Variants in NREP observed in about 807,000 individuals in gnomAD.
The protein encoded by NREP is neuronal regeneration-related protein.
In NREP, 5 loss-of-function variants were observed where a neutral mutation model predicts 8.6. The observed-to-expected ratio is 0.58, with a 90% CI of 0.30 to 1.22. NREP has a LOEUF of 1.22. Among genes scored for constraint, NREP ranks in the 50% most tolerant of loss-of-function variants. The pLI is 0.07. For synonymous variants in NREP, 27 were observed against 28.0 expected (o/e 0.96, Z 0.11); for missense variants, 86 against 82.5 (o/e 1.04, Z -0.17).
At chr5:111,878,789 A>T (rs1753974622) in intron 2 of NREP, among the ~76,000 whole-genome samples, 1 of 152,076 alleles carries the variant, frequency 6.6e-6, no homozygotes, top group Non-Finnish European at 1.5e-5. Flanking sequence ...CTTTGTAACC[A>T]AGCAAGGGCT....
chr5:111,803,077 A>G (rs912445624), intron 2 of NREP, among the ~76,000 whole-genome samples: 2 of 152,218 alleles, frequency 1.3e-5, no homozygotes, highest in African/African-American at 4.8e-5. Flanking sequence ...AGTTTTAGAT[A>G]AGGTGATTTT....
intron 2 of NREP, among the ~76,000 whole-genome samples, chr5:111,828,991 G>C (rs1752696637): frequency 6.6e-6 from 1 of 152,074 alleles, no homozygotes; most frequent in South Asian, 2.1e-4. Context: ...ACATTTAGAG[G>C]GGGAGACAGC....
intron 2 of NREP, among the ~76,000 whole-genome samples, chr5:111,828,138 C>T (rs1445185500): frequency 6.6e-6 from 1 of 151,840 alleles, no homozygotes; most frequent in Non-Finnish European, 1.5e-5. Context: ...TCAAGCGATT[C>T]TTCTGCCTCA....
chr5:111,759,176 T>A (rs1750899089), upstream of NREP, among the ~76,000 whole-genome samples: 1 of 152,080 alleles, frequency 6.6e-6, no homozygotes, highest in Non-Finnish European at 1.5e-5. Flanking sequence ...AACACGCTGC[T>A]CAAGGGCACC....
chr5:111,846,753 T>A (rs1753186255), intron 2 of NREP, among the ~76,000 whole-genome samples: 1 of 152,204 alleles, frequency 6.6e-6, no homozygotes, highest in Non-Finnish European at 1.5e-5. Context: ...TTCCATGAGA[T>A]AATACCAAAA....
At chr5:111,793,275 G>A (rs978281678) in intron 2 of NREP, among the ~76,000 whole-genome samples, 9 of 152,048 alleles carry the variant, frequency 5.9e-5, no homozygotes, top group South Asian at 2.1e-4. Context: ...ATGTGATTAC[G>A]GAGGCTGAGA....
chr5:111,746,302 T>C (rs1749998663), intron 2 of NREP, among the ~76,000 whole-genome samples: 1 of 151,980 alleles, frequency 6.6e-6, no homozygotes, highest in South Asian at 2.1e-4. Flanking sequence ...TGGAGACTTG[T>C]CTCCCAGACC....
chr5:111,847,041 A>G (rs1055401731), intron 2 of NREP, among the ~76,000 whole-genome samples: 1 of 152,152 alleles, frequency 6.6e-6, no homozygotes, highest in Non-Finnish European at 1.5e-5. Context: ...CTGCTGGGCT[A>G]TGAGAAAGAC....
intron 2 of NREP, among the ~76,000 whole-genome samples, chr5:111,799,506 A>G (rs536403569): frequency 5.6e-4 from 86 of 152,356 alleles, no homozygotes; most frequent in African/African-American, 2.0e-3. Flanking sequence ...AATTAATCCC[A>G]GAATACAATT....
intron 2 of NREP, among the ~76,000 whole-genome samples, chr5:111,830,662 G>A (rs757507853): frequency 6.6e-6 from 1 of 152,200 alleles, no homozygotes; most frequent in Admixed American, 6.5e-5. Flanking sequence ...TGTGGCTGAG[G>A]TCTCTTTGTC....
At chr5:111,945,330 G>A (rs961440393) in intron 2 of NREP, among the ~76,000 whole-genome samples, 5 of 151,550 alleles carry the variant, frequency 3.3e-5, no homozygotes, top group Non-Finnish European at 7.4e-5. Flanking sequence ...TGTGCACAAC[G>A]TGCAGGTTTG....
chr5:111,733,038 G>A (rs1561628969), intron 3 of NREP: 1 of 152,140 alleles, frequency 6.6e-6, no homozygotes, highest in African/African-American at 2.4e-5. Flanking sequence ...GGAAGAGCTA[G>A]GGATTTGGGA....
intron 2 of NREP, among the ~76,000 whole-genome samples, chr5:111,845,353 TATGTTCGTGC>T (rs1406762950): frequency 1.3e-5 from 2 of 152,010 alleles, no homozygotes; most frequent in East Asian, 3.9e-4. Context: ...CTTGTGAAAG[TATGTTCGTGC>T]ATAAATTGTT....
chr5:111,915,950 T>C (rs1020043037), intron 2 of NREP, among the ~76,000 whole-genome samples: 2 of 152,052 alleles, frequency 1.3e-5, no homozygotes, highest in Non-Finnish European at 2.9e-5. Context: ...ACGATCACCT[T>C]GTTGTGCAGC....
chr5:111,829,845 T>C (rs1366520976), intron 2 of NREP, among the ~76,000 whole-genome samples: 1 of 152,178 alleles, frequency 6.6e-6, no homozygotes, highest in Admixed American at 6.5e-5. Flanking sequence ...TTCACCCACA[T>C]AGCGTGCCAT....
intron 2 of NREP, among the ~76,000 whole-genome samples, chr5:111,809,502 G>T (rs534153236): frequency 3.3e-5 from 5 of 152,160 alleles, no homozygotes; most frequent in African/African-American, 9.7e-5. Flanking sequence ...GCCATTCCCA[G>T]TAGTGAGAGA....
At chr5:111,947,538 A>G (rs1385488203) in intron 2 of NREP, among the ~76,000 whole-genome samples, 1 of 152,020 alleles carries the variant, frequency 6.6e-6, no homozygotes, top group Non-Finnish European at 1.5e-5. Context: ...GAATTATGCT[A>G]ATGCTAACTG....
intron 2 of NREP, among the ~76,000 whole-genome samples, chr5:111,965,112 C>G (rs1162663165): frequency 7.2e-5 from 11 of 151,996 alleles, no homozygotes; most frequent in Admixed American, 7.2e-4. Flanking sequence ...CATGAGATAG[C>G]TGCAACAGCT....
intron 2 of NREP, among the ~76,000 whole-genome samples, chr5:111,919,869 G>GAGAAAGAAAGAA (rs60026643): frequency 0.093 from 11,613 of 124,948 alleles, 672 homozygotes; most frequent in African/African-American, 0.13. Flanking sequence ...CTTGAAGAGA[G>GAGAAAGAAAGAA]AGAAAGAAAG....
Sources: gnomAD v4.1 joint callset for allele counts (sites outside exome capture counted in the v4.1 genomes callset) on GRCh38, gnomAD v4.1.1 for gene constraint, MANE v1.5 for transcripts, NCBI Gene and HGNC (gene_info 2026-07-23, HGNC 2026-07-21) for gene names.